Variants in TTC27 observed in about 807,000 individuals in gnomAD.
TTC27 encodes tetratricopeptide repeat protein 27.
In TTC27, 79 loss-of-function variants were observed where a neutral mutation model predicts 115.9. The ratio of observed to expected loss-of-function variants is 0.68; its 90% CI spans 0.57 to 0.82. The LOEUF is 0.82. Ranked by LOEUF, TTC27 falls within the 40% of genes least tolerant of loss-of-function variation. The pLI is 0.00. For missense variants in TTC27, 1,054 were observed against 993.1 expected (o/e 1.06, Z -0.82); for synonymous variants, 401 against 356.0 (o/e 1.13, Z -1.42).
chr2:32,669,576 A>T (rs1024566914), intron 7 of TTC27, among the ~76,000 whole-genome samples: 3 of 152,144 alleles, frequency 2.0e-5, no homozygotes, highest in South Asian at 2.1e-4. Flanking sequence ...ATTACAAAAC[A>T]TATCCTGATT....
chr2:32,672,209 C>A, intron 7 of TTC27, 63 bp from the exon 8 acceptor site: 3 of 1,174,250 alleles, frequency 2.6e-6, no homozygotes, highest in Non-Finnish European at 3.8e-6. Context: ...CTATTACATG[C>A]CATTCTGGTG....
chr2:32,667,366 C>T (rs994175606), intron 7 of TTC27, among the ~76,000 whole-genome samples: 5 of 150,634 alleles, frequency 3.3e-5, no homozygotes, highest in South Asian at 2.1e-4. Context: ...TCCATGAAGC[C>T]GTTTAGTATT....
chr2:32,631,209 C>T (rs899762731), intron 2 of TTC27, among the ~76,000 whole-genome samples: 2 of 151,872 alleles, frequency 1.3e-5, no homozygotes, highest in Admixed American at 6.6e-5. Context: ...AGGCTGAGGC[C>T]GAAGAATCGC....
chr2:32,664,467 G>C lies in TTC27; in HGVS notation c.805G>C (p.Gly269Arg), dbSNP rs1431791694. 5 of 1,595,070 alleles carry C rather than the reference G, an allele frequency of 3.1e-6. No individual in the cohort carries two copies. The highest frequency in any genetic ancestry group is 4.3e-6 in the Non-Finnish European group (5 of 1,175,572). ...DISQLQIDLTGALGKRTRFQE... is the reference protein window; with the variant it reads ...DISQLQIDLTRALGKRTRFQE... Reference sequence around the variant, plus strand: ...CAGCCAATTACAAATTGATTTGACAGGTAAGACTTATTTTTTGTGGATAAT... The same window carrying C: ...CAGCCAATTACAAATTGATTTGACACGTAAGACTTATTTTTTGTGGATAAT... Residue 269 changes from glycine to arginine, a missense_variant and splice_region_variant, in exon 6 of 20, where the codon GGT becomes CGT. Gly to Arg is a moderately radical substitution (Grantham distance 125, BLOSUM62 -2). Coordinates refer to ENST00000317907, the MANE Select transcript of TTC27 (RefSeq NM_017735.5).
chr2:32,781,419 A>G (rs1437705531), intron 14 of TTC27, among the ~76,000 whole-genome samples: 4 of 151,302 alleles, frequency 2.6e-5, no homozygotes, highest in Non-Finnish European at 5.9e-5. Flanking sequence ...GCTTCTTCCC[A>G]TGTCCGCCAT....
intron 19 of TTC27, among the ~76,000 whole-genome samples, chr2:32,819,940 C>A (rs995311540): frequency 1.3e-5 from 2 of 152,188 alleles, no homozygotes; most frequent in African/African-American, 2.4e-5. Flanking sequence ...AGTTTAAAAA[C>A]GCACACACAA....
intron 16 of TTC27, among the ~76,000 whole-genome samples, chr2:32,799,394 G>A (rs1038753049): frequency 2.0e-5 from 3 of 152,118 alleles, no homozygotes; most frequent in African/African-American, 7.2e-5. Context: ...TGTATGTTAT[G>A]TGTATTTTAC....
chr2:32,763,054 A>G (rs1669502797), intron 13 of TTC27, among the ~76,000 whole-genome samples: 2 of 152,236 alleles, frequency 1.3e-5, no homozygotes, highest in African/African-American at 2.4e-5. Flanking sequence ...TGGTCTCATT[A>G]TATAATTTAG....
rs960300425 is a variant in TTC27, at chr2:32,793,311, A to G, written c.1998+6162A>G. Among the ~76,000 whole-genome samples the G allele has an allele frequency of 3.9e-5, 6 of 152,314 alleles. No homozygotes were observed. In the East Asian group the frequency reaches 1.2e-3, roughly 29 times the overall value. ...CTTTATCTGGCAAAACTGCCTTTCA[A>G]AAGTGAGAGAGAAATTAAGGCATTC... On this transcript the variant is annotated intron_variant, in intron 16 of 19. Transcript: ENST00000317907.
chr2:32,793,819 G>A (rs1359150486), intron 16 of TTC27, among the ~76,000 whole-genome samples: 1 of 151,858 alleles, frequency 6.6e-6, no homozygotes, highest in Non-Finnish European at 1.5e-5. Flanking sequence ...CACCATACCC[G>A]GCCTGTTACA....
In TTC27 at chr2:32,748,251, T is replaced by C. The variant is rs79798556; in HGVS notation, c.1453-10041T>C. ...TATTGTTTAATTTCCACAAAATTCC[T>C]TTTGTTATTGATTTTGAATTTTATC... On this transcript the variant is annotated intron_variant, in intron 12 of 19. Transcript: ENST00000317907. Among the ~76,000 whole-genome samples the C allele has an allele frequency of 2.2e-3, 340 of 152,344 alleles. 1 individual carries two copies. The highest frequency in any genetic ancestry group is 7.8e-3 in the African/African-American group (326 of 41,590).
At chr2:32,728,126 C>T (rs1307993241) in intron 10 of TTC27, among the ~76,000 whole-genome samples, 1 of 150,684 alleles carries the variant, frequency 6.6e-6, no homozygotes, top group Non-Finnish European at 1.5e-5. Flanking sequence ...CTGCAAGCTC[C>T]ACCTCCCGGG....
chr2:32,690,143 A>G (rs998405344), intron 9 of TTC27, among the ~76,000 whole-genome samples: 3 of 152,224 alleles, frequency 2.0e-5, no homozygotes, highest in Non-Finnish European at 4.4e-5. Flanking sequence ...GAAGAAAAAA[A>G]CATGGTTTTG....
intron 12 of TTC27, among the ~76,000 whole-genome samples, chr2:32,739,541 T>G (rs901153440): frequency 6.6e-6 from 1 of 152,156 alleles, no homozygotes; most frequent in Non-Finnish European, 1.5e-5. Context: ...ATGCTTCTGT[T>G]TCTAAATCCT....
chr2:32,681,649 CT>C (rs5830239), intron 9 of TTC27, among the ~76,000 whole-genome samples: 1,788 of 140,652 alleles, frequency 0.013, 12 homozygotes, highest in Middle Eastern at 0.03. Context: ...AGATATTCAG[CT>C]TTTTTTTTTT....
At chr2:32,643,055 C>T (rs904024759) in intron 4 of TTC27, among the ~76,000 whole-genome samples, 2 of 151,786 alleles carry the variant, frequency 1.3e-5, no homozygotes, top group African/African-American at 4.8e-5. Context: ...CTGCAATCTA[C>T]GCCTCCCAGG....
chr2:32,665,663 G>A (rs1197362846), intron 6 of TTC27, among the ~76,000 whole-genome samples: 3 of 152,194 alleles, frequency 2.0e-5, no homozygotes, highest in Non-Finnish European at 4.4e-5. Flanking sequence ...GGGAGGCTGA[G>A]GCGGGCAGAT....
At chr2:32,796,302 A>G (rs1440963006) in intron 16 of TTC27, among the ~76,000 whole-genome samples, 1 of 152,232 alleles carries the variant, frequency 6.6e-6, no homozygotes, top group Non-Finnish European at 1.5e-5. Flanking sequence ...ATTAAAGAAG[A>G]TACAAATAAA....
chr2:32,762,391 T>A (rs1274928501), intron 13 of TTC27, among the ~76,000 whole-genome samples: 1 of 151,374 alleles, frequency 6.6e-6, no homozygotes, highest in Non-Finnish European at 1.5e-5. Flanking sequence ...AGGGCAGTTA[T>A]AGTGCGAAAC....
Sources: allele counts gnomAD v4.1 joint callset (sites outside exome capture counted in the v4.1 genomes callset), GRCh38; gene constraint gnomAD v4.1.1; transcripts MANE v1.5; gene names NCBI Gene and HGNC (gene_info 2026-07-23, HGNC 2026-07-21).